Variants in FUBP1 observed in about 807,000 individuals in gnomAD.
FUBP1 encodes far upstream element-binding protein 1.
Under a neutral mutation model 94.9 loss-of-function variants are expected in FUBP1, and 16 were observed. That is an observed-to-expected ratio of 0.17 (90% CI 0.11 to 0.26). FUBP1 has a LOEUF of 0.26. FUBP1 is among the 10% of genes least tolerant of loss of function. The pLI is 1.00. For synonymous variants in FUBP1, 279 were observed against 254.9 expected (o/e 1.09, Z -0.90); for missense variants, 583 against 808.6 (o/e 0.72, Z 3.38).
Position 77,945,792 on chromosome 1 carries a change from G to A in FUBP1, c.*2974C>T. Reference sequence around the variant, plus strand: ...ATACATTCAACTTAACTCAAAATATGTACCAGTTAAAATCATCTATAAAAA... The same window carrying A: ...ATACATTCAACTTAACTCAAAATATATACCAGTTAAAATCATCTATAAAAA... On this transcript the variant is annotated 3_prime_UTR_variant, in exon 20 of 20. Transcript: ENST00000370768. 4.7e-6 allele frequency: 1 copy of A among 213,446 alleles called. No homozygotes were observed. Among genetic ancestry groups the A allele is most frequent in the Non-Finnish European group, 9.5e-6 (1 of 105,498 alleles). 13.2% of individuals were successfully genotyped at this position (213,446 alleles called of 1,614,324 possible).
intron 19 of FUBP1, 34 bp downstream of exon 19, chr1:77,949,121 A>G: frequency 6.3e-7 from 1 of 1,579,890 alleles, no homozygotes; most frequent in Non-Finnish European, 8.7e-7. Flanking sequence ...AACAGACTGG[A>G]GTAGAAATCA....
chr1:77,966,667 T>C (rs368893689), intron 7 of FUBP1, 27 bp downstream of exon 7: 6 of 1,164,998 alleles, frequency 5.2e-6, no homozygotes, highest in Non-Finnish European at 5.1e-6. Flanking sequence ...GTTACTTAAG[T>C]AGATTTTTAA....
intron 13 of FUBP1, 79 bp downstream of exon 13, chr1:77,963,495 C>T: frequency 1.4e-6 from 1 of 734,878 alleles, no homozygotes; most frequent in Non-Finnish European, 2.2e-6. Flanking sequence ...AAAGCATTGC[C>T]ACTTGTTTAC....
At position 77,948,463 on chromosome 1, in the gene FUBP1, C is replaced by A; in HGVS notation, c.*303G>T. On this transcript the variant is annotated 3_prime_UTR_variant, in exon 20 of 20. Transcript: ENST00000370768. ...CAGGCATTTTAAAAGTGAAAGTATA[C>A]ATTGAAAAAGTACATTTATATCACA... The A allele has an allele frequency of 8.5e-7, 1 of 1,174,342 alleles. No homozygotes were observed. Among genetic ancestry groups the A allele is most frequent in the Non-Finnish European group, 1.1e-6 (1 of 949,430 alleles). 72.7% of individuals were successfully genotyped at this position (1,174,342 alleles called of 1,614,324 possible).
chr1:77,965,956 G>A (rs956316191), intron 7 of FUBP1, among the ~76,000 whole-genome samples: 2 of 152,248 alleles, frequency 1.3e-5, no homozygotes, highest in Admixed American at 6.5e-5. Flanking sequence ...GGCGGAGGTT[G>A]CAGTGAGCCG....
At chr1:77,974,196 C>T (rs1443124531) in intron 1 of FUBP1, among the ~76,000 whole-genome samples, 1 of 144,594 alleles carries the variant, frequency 6.9e-6, no homozygotes, top group African/African-American at 2.6e-5. Flanking sequence ...CATGCAGTGG[C>T]GCGATCTCGG....
chr1:77,964,399 G>T, intron 10 of FUBP1, 43 bp from the exon 11 acceptor site: 2 of 1,218,484 alleles, frequency 1.6e-6, no homozygotes, highest in Non-Finnish European at 2.3e-6. Context: ...TAGCTTCTCA[G>T]GGTTTAAAGT....
In FUBP1 at chr1:77,966,705, A is replaced by G. The variant is rs771278070; in HGVS notation, c.462T>C (p.Pro154=). Residue 154 remains proline (P), a synonymous_variant, in exon 7 of 20, where the codon CCT becomes CCC. Transcript: ENST00000370768. ...PERSCMLTGT[P]ESVQSAKRLL... is the part of the protein sequence containing the mutation. ...TTTTTCAAACTTACTGGACAGATTC[A>G]GGTGTTCCAGTTAACATACAGGACC... is the stretch of plus-strand genomic sequence containing the variant. 5.4e-5 allele frequency: 82 copies of G among 1,526,180 alleles called. No individual in the cohort carries two copies. Among genetic ancestry groups the G allele is most frequent in the African/African-American group, 9.6e-5 (7 of 73,180 alleles). 94.5% of individuals were successfully genotyped at this position (1,526,180 alleles called of 1,614,324 possible).
At chr1:77,960,585 C>G (rs774439104) in intron 14 of FUBP1, 90 bp from the exon 15 acceptor site, 11 of 1,063,006 alleles carry the variant, frequency 1.0e-5, no homozygotes, top group Non-Finnish European at 1.5e-5. Context: ...TTTCTACCCT[C>G]TTATAGTCAC....
chr1:77,949,047 A>C, intron 19 of FUBP1, 108 bp downstream of exon 19: 2 of 1,087,380 alleles, frequency 1.8e-6, no homozygotes, highest in Non-Finnish European at 2.8e-6. Context: ...TAGTTATTAT[A>C]CTTTGCCAGA....
In FUBP1 at chr1:77,966,972, AAAT is replaced by A. The variant is rs553009578; in HGVS notation, c.344-20_344-18del. 2.1e-4 allele frequency: 331 copies of A among 1,590,026 alleles called. 2 individuals are homozygous for A. The African/African-American group carries it at 3.6e-3, about 17-fold the overall frequency. On this transcript the variant is annotated intron_variant, in intron 5 of 19. Transcript: ENST00000370768. ...TGCCAATTACTAGTTAGAAAAAAAA[AAAT>A]TTTTTTTTTGGTTGAAAGATTCTAA...
chr1:77,954,978 C>T lies in FUBP1; in HGVS notation c.1780+277G>A, dbSNP rs570033152. Among the ~76,000 whole-genome samples, 20 of 152,172 alleles carry T rather than the reference C, an allele frequency of 1.3e-4. No individual in the cohort carries two copies. The South Asian group carries it at 3.3e-3, about 25-fold the overall frequency. ...AAAATTTAACCTTATGTCATTTAGA[C>T]TGATAATATATATAACTGTCATTGT... is the stretch of plus-strand genomic sequence containing the variant. On this transcript the variant is annotated intron_variant, in intron 18 of 19. Coordinates refer to ENST00000370768, the MANE Select transcript of FUBP1 (RefSeq NM_003902.5).
In FUBP1 at chr1:77,970,075, AC is replaced by A. The variant is rs547454378; in HGVS notation, c.121-61del. On this transcript the variant is annotated intron_variant, in intron 1 of 19. Coordinates refer to ENST00000370768, the MANE Select transcript of FUBP1 (RefSeq NM_003902.5). ...ATTATATACTATTCATTACTAAATTACCCCCATTTACTTCCTGATACATGTA... is the reference window on the plus strand; with the variant it reads ...ATTATATACTATTCATTACTAAATTACCCCATTTACTTCCTGATACATGTA... The A allele has an allele frequency of 3.2e-5, 24 of 756,408 alleles. No homozygotes were observed. The South Asian group carries it at 5.3e-4, about 17-fold the overall frequency. 46.9% of individuals were successfully genotyped at this position (756,408 alleles called of 1,614,324 possible). A position where few individuals can be genotyped will look rare whatever the true frequency, so the allele number is the denominator to read the frequency against.
chr1:77,959,525 T>C (rs1437908492), intron 16 of FUBP1, among the ~76,000 whole-genome samples: 3 of 152,154 alleles, frequency 2.0e-5, no homozygotes, highest in African/African-American at 4.8e-5. Context: ...TATATATATA[T>C]ATTTATATAG....
At chr1:77,965,897 A>G (rs2102409719) in intron 7 of FUBP1, among the ~76,000 whole-genome samples, 1 of 152,280 alleles carries the variant, frequency 6.6e-6, no homozygotes, top group Non-Finnish European at 1.5e-5. Flanking sequence ...AAAAATACAA[A>G]AATTAGCTGG....
At chr1:77,973,214 T>C (rs970192757) in intron 1 of FUBP1, among the ~76,000 whole-genome samples, 1 of 152,110 alleles carries the variant, frequency 6.6e-6, no homozygotes, top group Non-Finnish European at 1.5e-5. Context: ...TTATTAGACA[T>C]TTATGAGGTG....
intron 1 of FUBP1, among the ~76,000 whole-genome samples, chr1:77,976,955 G>T (rs1450348622): frequency 6.6e-6 from 1 of 152,108 alleles, no homozygotes; most frequent in Non-Finnish European, 1.5e-5. Flanking sequence ...CTCTGCGCAT[G>T]CTGCTTCTTT....
In FUBP1 at chr1:77,963,423, T is replaced by C. The variant is rs1571300440; in HGVS notation, c.1183+151A>G. ...TCTAAATATACATGAGATCCCTCAT[T>C]TATGTTTTACTTGTTACATATTAAC... On this transcript the variant is annotated intron_variant, in intron 13 of 19. Transcript: ENST00000370768. 3 of 513,500 alleles carry C rather than the reference T, an allele frequency of 5.8e-6. No individual in the cohort carries two copies. In the East Asian group the frequency reaches 9.6e-5, roughly 16 times the overall value. The allele number at this position is 513,500 out of a possible 1,614,324, so 31.8% of individuals were successfully genotyped here.
At chr1:77,955,780 G>A (rs1654345186) in intron 17 of FUBP1, among the ~76,000 whole-genome samples, 1 of 152,022 alleles carries the variant, frequency 6.6e-6, no homozygotes, top group Non-Finnish European at 1.5e-5. Flanking sequence ...ATATTTCCTA[G>A]TTCTGCCTGT....
Sources: allele counts gnomAD v4.1 joint callset (sites outside exome capture counted in the v4.1 genomes callset), GRCh38; gene constraint gnomAD v4.1.1; transcripts MANE v1.5; gene names NCBI Gene and HGNC (gene_info 2026-07-23, HGNC 2026-07-21).